Variants in PREX1 observed in about 807,000 individuals in gnomAD.
PREX1 encodes the protein phosphatidylinositol-3,4,5-trisphosphate dependent Rac exchange factor 1.
Under a neutral mutation model 198.3 loss-of-function variants are expected in PREX1, and 41 were observed. The observed-to-expected ratio is 0.21, with a 90% CI of 0.16 to 0.27. The LOEUF (loss-of-function observed/expected upper bound fraction) is 0.27. Among genes scored for constraint, PREX1 ranks in the 10% least tolerant of loss-of-function variants. PREX1 has a pLI of 1.00. For synonymous variants in PREX1, 843 were observed against 887.2 expected (o/e 0.95, Z 0.89); for missense variants, 1,620 against 2,200.7 (o/e 0.74, Z 5.28).
At chr20:48,791,336 G>A (rs1198213043) in intron 1 of PREX1, among the ~76,000 whole-genome samples, 5 of 152,174 alleles carry the variant, frequency 3.3e-5, no homozygotes, top group Non-Finnish European at 7.3e-5. Flanking sequence ...CTCCTACCAC[G>A]TGCTGGACGC....
At chr20:48,870,411 A>G in the PREX1 span, among the ~76,000 whole-genome samples, 12 of 152,306 alleles carry the variant, frequency 7.9e-5, no homozygotes, top group African/African-American at 2.9e-4. Flanking sequence ...TTGAATCTGC[A>G]CTGTCTGATT....
chr20:48,634,318 AAGGG>A (rs775622627), intron 33 of PREX1, among the ~76,000 whole-genome samples: 1 of 152,202 alleles, frequency 6.6e-6, no homozygotes, highest in Non-Finnish European at 1.5e-5. Context: ...GGACACGAGC[AAGGG>A]AGGAAGGGAG....
intron 5 of PREX1, among the ~76,000 whole-genome samples, chr20:48,726,032 T>G (rs547126024): frequency 6.6e-6 from 1 of 152,116 alleles, no homozygotes; most frequent in Admixed American, 6.5e-5. Context: ...AGTAGAGAGG[T>G]TCACTCTTTC....
At chr20:48,733,489 G>A (rs978489502) in intron 4 of PREX1, among the ~76,000 whole-genome samples, 2 of 152,214 alleles carry the variant, frequency 1.3e-5, no homozygotes, top group Non-Finnish European at 2.9e-5. Flanking sequence ...TCCTGAAGCT[G>A]CTCAGCTATC....
chr20:48,704,688 T>C (rs2089894129), intron 6 of PREX1, among the ~76,000 whole-genome samples: 1 of 152,112 alleles, frequency 6.6e-6, no homozygotes. Flanking sequence ...CCCGAGTAAC[T>C]GGGATTACAG....
rs188642611 is a variant in PREX1, at chr20:48,715,232, C to T, written c.622-6811G>A. On this transcript the variant is annotated intron_variant, in intron 5 of 39. Coordinates refer to ENST00000371941, the MANE Select transcript of PREX1 (RefSeq NM_020820.4). ...GGGAGAACTACATGACTAAGAGGCCCGGTGAATCTGTAAGACCTCAAGGAG... is the reference window on the plus strand; with the variant it reads ...GGGAGAACTACATGACTAAGAGGCCTGGTGAATCTGTAAGACCTCAAGGAG... 2.1e-3 allele frequency among the ~76,000 whole-genome samples: 318 copies of T among 152,240 alleles called. 2 individuals carry two copies. Among genetic ancestry groups the T allele is most frequent in the African/African-American group, 7.3e-3 (305 of 41,538 alleles).
intron 1 of PREX1, among the ~76,000 whole-genome samples, chr20:48,811,341 G>T (rs77612186): frequency 6.6e-6 from 1 of 152,030 alleles, no homozygotes; most frequent in African/African-American, 2.4e-5. Context: ...AAACAATCCC[G>T]TGCAGGCTGA....
chr20:48,767,942 T>C (rs2090216810), intron 1 of PREX1, among the ~76,000 whole-genome samples: 1 of 152,160 alleles, frequency 6.6e-6, no homozygotes, highest in African/African-American at 2.4e-5. Context: ...GTAATGCAGG[T>C]AGCACAAAGT....
intron 9 of PREX1, among the ~76,000 whole-genome samples, chr20:48,690,577 T>C (rs919030065): frequency 6.6e-6 from 1 of 152,106 alleles, no homozygotes; most frequent in Non-Finnish European, 1.5e-5. Flanking sequence ...TGACTGAGGT[T>C]AATGGGCAGC....
the PREX1 span, among the ~76,000 whole-genome samples, chr20:48,836,373 A>T: frequency 1.4e-4 from 22 of 152,202 alleles, no homozygotes; most frequent in East Asian, 4.2e-3. Context: ...TCTGGGTCAC[A>T]CCAGCATTCA....
chr20:48,684,691 G>C lies in PREX1; in HGVS notation c.1335-3356C>G, dbSNP rs529281799. Among the ~76,000 whole-genome samples, 1 of 152,052 alleles carries C rather than the reference G, an allele frequency of 6.6e-6. No individual in the cohort carries two copies. Among genetic ancestry groups the C allele is most frequent in the Non-Finnish European group, 1.5e-5 (1 of 68,014 alleles). On this transcript the variant is annotated intron_variant, in intron 10 of 39. Coordinates refer to ENST00000371941, the MANE Select transcript of PREX1 (RefSeq NM_020820.4). This position sits in a 1 kb window ranked among gnomAD's most constrained non-coding sequence, Gnocchi z 4.2. Reference sequence around the variant, plus strand: ...TGGATCCTCATCTCACTCCACTACCGAGACTCCTCCAGTGGCTTCCCACAG... The same window carrying C: ...TGGATCCTCATCTCACTCCACTACCCAGACTCCTCCAGTGGCTTCCCACAG...
chr20:48,763,431 G>A (rs1467519727), intron 1 of PREX1, among the ~76,000 whole-genome samples: 4 of 152,168 alleles, frequency 2.6e-5, no homozygotes, highest in Admixed American at 6.5e-5. Flanking sequence ...GATGCAGGGC[G>A]GGGTGGCTGG....
intron 4 of PREX1, among the ~76,000 whole-genome samples, chr20:48,733,451 T>C (rs2090043361): frequency 6.6e-6 from 1 of 152,212 alleles, no homozygotes; most frequent in African/African-American, 2.4e-5. Flanking sequence ...TTTTTGCTGT[T>C]ACTATGGGGA....
At chr20:48,807,166 G>C (rs2090415355) in intron 1 of PREX1, among the ~76,000 whole-genome samples, 1 of 152,166 alleles carries the variant, frequency 6.6e-6, no homozygotes, top group Non-Finnish European at 1.5e-5. Context: ...TGCCAAAAAA[G>C]TATACAAAGA....
rs145045442 is a variant in PREX1 at position 48,701,165 on chromosome 20, T to C, written c.784-279A>G. 3.5e-3 allele frequency among the ~76,000 whole-genome samples: 531 copies of C among 152,248 alleles called. 6 individuals are homozygous for C. The highest frequency in any genetic ancestry group is 0.011 in the African/African-American group (441 of 41,550). On this transcript the variant is annotated intron_variant, in intron 6 of 39. Transcript: ENST00000371941. ...TGACTCACCCAGCTCATACAGGTAA[T>C]AGTAGGTCCTAGTCAACATCTGGGT... is the stretch of plus-strand genomic sequence containing the variant.
In PREX1 at chr20:48,625,784, C is replaced by A. The variant is rs905868732; in HGVS notation, c.*101G>T. The A allele has an allele frequency of 3.7e-6, 5 of 1,337,576 alleles. No homozygotes were observed. In the African/African-American group the frequency reaches 4.6e-5, roughly 12 times the overall value. 82.9% of individuals were successfully genotyped at this position (1,337,576 alleles called of 1,614,324 possible). On this transcript the variant is annotated 3_prime_UTR_variant, in exon 40 of 40. Coordinates refer to ENST00000371941, the MANE Select transcript of PREX1 (RefSeq NM_020820.4). ...GGGCAGGTCCCGGAACGGGCGGCTGCGGAAGCCTTGGGCCATCCCTGGAGA... is the reference window on the plus strand; with the variant it reads ...GGGCAGGTCCCGGAACGGGCGGCTGAGGAAGCCTTGGGCCATCCCTGGAGA...
At chr20:48,676,868 G>T (rs1280397926) in intron 13 of PREX1, among the ~76,000 whole-genome samples, 1 of 152,234 alleles carries the variant, frequency 6.6e-6, no homozygotes, top group African/African-American at 2.4e-5. Context: ...CCTGCAAGGG[G>T]CTGGTGTGGT....
chr20:48,625,677 G>A lies in PREX1; in HGVS notation c.*208C>T. On this transcript the variant is annotated 3_prime_UTR_variant, in exon 40 of 40. Coordinates refer to ENST00000371941, the MANE Select transcript of PREX1 (RefSeq NM_020820.4). ...GCTTCTGGCAGGCGTGTGAAGAATG[G>A]GCCGGCCCAGGGCCAATCAGCCAGC... is the stretch of plus-strand genomic sequence containing the variant. The A allele has an allele frequency of 1.7e-6, 1 of 587,968 alleles. No homozygotes were observed. The highest frequency in any genetic ancestry group is 2.9e-6 in the Non-Finnish European group (1 of 349,960). The allele number at this position is 587,968 out of a possible 1,614,324, so 36.4% of individuals were successfully genotyped here.
chr20:48,653,136 G>A (rs2089513563), intron 20 of PREX1, among the ~76,000 whole-genome samples: 1 of 152,128 alleles, frequency 6.6e-6, no homozygotes, highest in Non-Finnish European at 1.5e-5. Context: ...CCATTTCACA[G>A]CTGTGAAAAC....
Sources: allele counts gnomAD v4.1 joint callset (sites outside exome capture counted in the v4.1 genomes callset), GRCh38; gene constraint gnomAD v4.1.1; non-coding constraint Gnocchi (gnomAD v3.1); transcripts MANE v1.5; gene names NCBI Gene and HGNC (gene_info 2026-07-23, HGNC 2026-07-21).